The following AOPEP variants were observed in gnomAD, a reference collection of about 807,000 sequenced individuals.
AOPEP encodes the protein aminopeptidase O (putative).
Under a neutral mutation model 98.1 loss-of-function variants are expected in AOPEP, and 77 were observed. The observed-to-expected ratio is 0.78, with a 90% CI of 0.65 to 0.95. The LOEUF is 0.95. Ranked by LOEUF, AOPEP falls within the 40% of genes least tolerant of loss-of-function variation. AOPEP has a pLI of 0.00. For synonymous variants in AOPEP, 346 were observed against 365.3 expected (o/e 0.95, Z 0.60); for missense variants, 1,024 against 1,024.7 (o/e 1.00, Z 0.01).
intron 13 of AOPEP, among the ~76,000 whole-genome samples, chr9:95,043,962 G>C (rs1792931081): frequency 6.6e-6 from 1 of 152,156 alleles, no homozygotes; most frequent in Non-Finnish European, 1.5e-5. Flanking sequence ...GTATTAAGTG[G>C]CTTGACCTTC....
chr9:94,974,277 A>G (rs930163779), intron 10 of AOPEP, among the ~76,000 whole-genome samples: 3 of 152,332 alleles, frequency 2.0e-5, no homozygotes, highest in Admixed American at 6.5e-5. Context: ...CACATTAACA[A>G]TCCCCAAATA....
At chr9:94,947,463 G>A (rs2057764592) in intron 7 of AOPEP, among the ~76,000 whole-genome samples, 1 of 152,064 alleles carries the variant, frequency 6.6e-6, no homozygotes, top group African/African-American at 2.4e-5. Context: ...GGCTGGTCTC[G>A]AGCTCCTGGC....
chr9:95,030,367 TC>T (rs1310010605), intron 13 of AOPEP, among the ~76,000 whole-genome samples: 3 of 152,238 alleles, frequency 2.0e-5, no homozygotes, highest in Non-Finnish European at 2.9e-5. Context: ...GTTTTGAAAT[TC>T]TGCTTTTTTG....
chr9:95,038,672 C>T (rs888537428), intron 13 of AOPEP, among the ~76,000 whole-genome samples: 6 of 152,210 alleles, frequency 3.9e-5, no homozygotes, highest in Non-Finnish European at 4.4e-5. Flanking sequence ...CTCAAGGGAA[C>T]GAGTCTTGTT....
chr9:94,919,904 A>G (rs1469173847), intron 5 of AOPEP, among the ~76,000 whole-genome samples: 1 of 152,160 alleles, frequency 6.6e-6, no homozygotes, highest in Non-Finnish European at 1.5e-5. Context: ...TGGGCTGCAC[A>G]TGTTGAAATT....
chr9:95,021,426 C>T (rs1402708741), intron 13 of AOPEP, among the ~76,000 whole-genome samples: 2 of 152,204 alleles, frequency 1.3e-5, no homozygotes, highest in Non-Finnish European at 2.9e-5. Flanking sequence ...CTGCCTTTCC[C>T]TGCCTTGAGG....
chr9:94,840,129 G>A (rs2042107166), intron 5 of AOPEP, among the ~76,000 whole-genome samples: 1 of 152,202 alleles, frequency 6.6e-6, no homozygotes, highest in South Asian at 2.1e-4. Flanking sequence ...GACATGAGCT[G>A]TAGGTTTTTG....
chr9:95,043,377 A>G (rs1283849281), intron 13 of AOPEP, among the ~76,000 whole-genome samples: 5 of 151,994 alleles, frequency 3.3e-5, no homozygotes, highest in African/African-American at 7.2e-5. Context: ...GTTACACTGT[A>G]ATAGCTAACA....
At chr9:95,003,720 CAT>C (rs1178406399) in intron 11 of AOPEP, among the ~76,000 whole-genome samples, 1 of 152,130 alleles carries the variant, frequency 6.6e-6, no homozygotes. Context: ...TATAATAACA[CAT>C]TGAAAAATCT....
At position 95,083,847 on chromosome 9, in the gene AOPEP, C is replaced by A. The variant is rs75919092; in HGVS notation, c.*4+1128C>A. 1.9e-4 allele frequency among the ~76,000 whole-genome samples: 29 copies of A among 152,336 alleles called. No homozygotes were observed. In the East Asian group the frequency reaches 4.0e-3, roughly 21 times the overall value. ...TGTTGTGTTGGAGCGGAATTTCTCC[C>A]CTGGCTTCTATTGGAGTCCTAGATT... On this transcript the variant is annotated intron_variant, in intron 16 of 16. Transcript: ENST00000375315.
intron 3 of AOPEP, among the ~76,000 whole-genome samples, chr9:94,783,849 A>T (rs1490649743): frequency 6.6e-6 from 1 of 152,178 alleles, no homozygotes; most frequent in Non-Finnish European, 1.5e-5. Context: ...TAACATATAT[A>T]ATAGTTTGGA....
chr9:95,108,318 G>A, the AOPEP span, among the ~76,000 whole-genome samples: 21 of 152,294 alleles, frequency 1.4e-4, no homozygotes, highest in East Asian at 3.9e-4. Context: ...TCCCCACCTC[G>A]CCCCTCAGCC....
chr9:95,127,689 G>C, the AOPEP span, among the ~76,000 whole-genome samples: 1 of 152,216 alleles, frequency 6.6e-6, no homozygotes, highest in African/African-American at 2.4e-5. Context: ...CTAGCTTTGG[G>C]AAACACTGTT....
chr9:94,941,532 G>T (rs1359371750), intron 7 of AOPEP, among the ~76,000 whole-genome samples: 1 of 152,192 alleles, frequency 6.6e-6, no homozygotes, highest in Non-Finnish European at 1.5e-5. Context: ...GCCAGAAATG[G>T]ACTCTGCCCT....
chr9:95,104,625 C>T, the AOPEP span, among the ~76,000 whole-genome samples: 558 of 152,268 alleles, frequency 3.7e-3, 15 homozygotes, highest in East Asian at 0.05. Flanking sequence ...AAGTTTCCTC[C>T]GAGTAGATGG....
At chr9:94,755,275 G>A (rs1836749596) in intron 1 of AOPEP, among the ~76,000 whole-genome samples, 1 of 152,120 alleles carries the variant, frequency 6.6e-6, no homozygotes, top group African/African-American at 2.4e-5. Context: ...TGAAGTCAAC[G>A]GACTGCTTAG....
chr9:95,080,721 G>A lies in AOPEP; in HGVS notation c.2260G>A (p.Val754Ile). ...TCGCCATCGGTGGTGTGAACTCATTGTTAAGCACAAGTTCACGAAAGCCTA... is the reference window on the plus strand; with the variant it reads ...TCGCCATCGGTGGTGTGAACTCATTATTAAGCACAAGTTCACGAAAGCCTA... ...EVRHRWCELI[V>I]KHKFTKAYKS... is the part of the protein sequence containing the mutation. Residue 754 changes from valine to isoleucine, a missense_variant, in exon 15 of 17, where the codon GTT becomes ATT. Physicochemically the swap from Val to Ile is conservative, Grantham distance 29 (BLOSUM62 3). Coordinates refer to ENST00000375315, the MANE Select transcript of AOPEP (RefSeq NM_001193329.3). 1 of 1,613,912 alleles carries A rather than the reference G, an allele frequency of 6.2e-7. No individual in the cohort carries two copies. Among genetic ancestry groups the A allele is most frequent in the Non-Finnish European group, 8.5e-7 (1 of 1,179,976 alleles).
At chr9:94,925,550 A>C (rs2054193014) in intron 6 of AOPEP, among the ~76,000 whole-genome samples, 1 of 152,196 alleles carries the variant, frequency 6.6e-6, no homozygotes, top group African/African-American at 2.4e-5. Flanking sequence ...CTTGGTGCTT[A>C]CCTTTTTAAA....
chr9:94,942,451 C>T (rs1175079333), intron 7 of AOPEP, among the ~76,000 whole-genome samples: 1 of 152,164 alleles, frequency 6.6e-6, no homozygotes, highest in Non-Finnish European at 1.5e-5. Flanking sequence ...GAAGAACATC[C>T]TGCTAGATGT....
Sources: allele counts gnomAD v4.1 joint callset (sites outside exome capture counted in the v4.1 genomes callset), GRCh38; gene constraint gnomAD v4.1.1; transcripts MANE v1.5; gene names NCBI Gene and HGNC (gene_info 2026-07-23, HGNC 2026-07-21).